The following FEZ2 variants were observed in gnomAD, a reference collection of about 807,000 sequenced individuals.
The protein encoded by FEZ2 is fasciculation and elongation protein zeta-2.
Under a neutral mutation model 40.4 loss-of-function variants are expected in FEZ2, and 51 were observed. The observed-to-expected ratio is 1.26, with a 90% CI of 1.01 to 1.59. The LOEUF (loss-of-function observed/expected upper bound fraction) is 1.59, where lower values mean the gene tolerates loss of function less well. FEZ2 is among the 40% of genes most tolerant of loss of function. FEZ2 has a pLI of 0.00. For missense variants in FEZ2, 640 were observed against 438.3 expected, an observed-to-expected ratio of 1.46 and a Z score of -4.11; for synonymous variants, 242 against 172.0, an observed-to-expected ratio of 1.41 and a Z score of -3.18.
At chr2:36,576,658 T>C (rs756045293) in intron 5 of FEZ2, among the ~76,000 whole-genome samples, 18 of 152,216 alleles carry the variant, frequency 1.2e-4, no homozygotes, top group Non-Finnish European at 2.4e-4. Flanking sequence ...TTGACACAAA[T>C]TGTAAATCAG....
chr2:36,570,757 G>C (rs931342803), intron 5 of FEZ2, among the ~76,000 whole-genome samples: 8 of 152,124 alleles, frequency 5.3e-5, no homozygotes, highest in African/African-American at 1.9e-4. Context: ...GTAACACAAT[G>C]GTAAGTATTT....
In FEZ2 at chr2:36,552,403, T is replaced by A. The variant is rs1667836182; in HGVS notation, c.*760A>T. ...CAGGCATGAATAAAATAGGACACAG[T>A]AATGAGAATGGGCAGTTCTGCAGTG... On this transcript the variant is annotated 3_prime_UTR_variant, in exon 8 of 8. Coordinates refer to ENST00000405912, the MANE Select transcript of FEZ2 (RefSeq NM_005102.3). 2.7e-6 allele frequency: 1 copy of A among 365,788 alleles called. No individual in the cohort carries two copies. Among genetic ancestry groups the A allele is most frequent in the Admixed American group, 3.7e-5 (1 of 26,990 alleles). The allele number at this position is 365,788 out of a possible 1,614,324, so 22.7% of individuals were successfully genotyped here. A position where few individuals can be genotyped will look rare whatever the true frequency, so the allele number is the denominator to read the frequency against.
intron 2 of FEZ2, among the ~76,000 whole-genome samples, chr2:36,586,147 G>A (rs1668892697): frequency 6.6e-6 from 1 of 152,130 alleles, no homozygotes; most frequent in Admixed American, 6.5e-5. Context: ...TGTAGAAGAT[G>A]AAAATGTGGC....
At chr2:36,574,833 C>A (rs952554973) in intron 5 of FEZ2, among the ~76,000 whole-genome samples, 4 of 152,168 alleles carry the variant, frequency 2.6e-5, no homozygotes, top group African/African-American at 9.7e-5. Flanking sequence ...ATCCTCTGCT[C>A]CTCCAGATGC....
chr2:36,591,747 T>G (rs970715151), intron 1 of FEZ2, among the ~76,000 whole-genome samples: 1 of 152,116 alleles, frequency 6.6e-6, no homozygotes, highest in African/African-American at 2.4e-5. Context: ...GTAAGGGCAT[T>G]TGACTGAGAC....
At chr2:36,558,155 T>C in intron 6 of FEZ2, 1 of 232,318 alleles carries the variant, frequency 4.3e-6, no homozygotes, top group Non-Finnish European at 8.3e-6. Context: ...CTTAAACATG[T>C]AAGAGATGAT....
Position 36,578,745 on chromosome 2 carries a change from T to C in FEZ2, c.755A>G (p.Glu252Gly), listed in dbSNP as rs772829290. 2 of 1,613,930 alleles carry C rather than the reference T, an allele frequency of 1.2e-6. No individual in the cohort carries two copies. Among genetic ancestry groups the C allele is most frequent in the Admixed American group, 1.7e-5 (1 of 60,008 alleles). The change falls in exon 5 of 8, where the codon GAA becomes GGA. Residue 252 changes from glutamate to glycine, a missense_variant. Coordinates refer to ENST00000405912, the MANE Select transcript of FEZ2 (RefSeq NM_005102.3). ...QLALRDELEF[E>G]KEVKNSFISV... ...AATAAAGCTGTTTTTCACTTCCTTT[T>C]CAAACTCCAGTTCATCTCGTAAAGC... is the stretch of plus-strand genomic sequence containing the variant.
At chr2:36,594,154 T>C (rs888299817) in intron 1 of FEZ2, among the ~76,000 whole-genome samples, 2 of 152,042 alleles carry the variant, frequency 1.3e-5, no homozygotes, top group Non-Finnish European at 2.9e-5. Flanking sequence ...ATTGTCCATA[T>C]TGCTGTCAGC....
chr2:36,565,783 G>C (rs940511497), intron 5 of FEZ2, among the ~76,000 whole-genome samples: 2 of 152,176 alleles, frequency 1.3e-5, no homozygotes, highest in Admixed American at 6.5e-5. Context: ...TTTCCAGTCA[G>C]ATCATTCTTG....
intron 7 of FEZ2, chr2:36,555,222 G>GT (rs1667926021): frequency 6.5e-6 from 1 of 152,688 alleles, no homozygotes. Context: ...TTCCCTCCCT[G>GT]TGTCTTACAT....
At chr2:36,562,288 A>T (rs1335728669) in intron 5 of FEZ2, among the ~76,000 whole-genome samples, 1 of 152,136 alleles carries the variant, frequency 6.6e-6, no homozygotes, top group African/African-American at 2.4e-5. Flanking sequence ...AATTTGTAAC[A>T]TGGCTAATAT....
intron 2 of FEZ2, among the ~76,000 whole-genome samples, chr2:36,586,601 T>A (rs1166885782): frequency 1.3e-5 from 2 of 148,212 alleles, no homozygotes; most frequent in Non-Finnish European, 3.0e-5. Context: ...CGCTCCAGCC[T>A]GGACAACAGA....
chr2:36,597,626 G>A (rs928334284), intron 1 of FEZ2, among the ~76,000 whole-genome samples: 6 of 152,348 alleles, frequency 3.9e-5, no homozygotes, highest in Middle Eastern at 6.9e-3. Flanking sequence ...ATACAAACGA[G>A]GGTTTGGTTT....
intron 1 of FEZ2, 40 bp downstream of exon 1, chr2:36,597,837 G>A (rs1386276038): frequency 3.0e-6 from 4 of 1,317,810 alleles, no homozygotes; most frequent in African/African-American, 1.5e-5. Flanking sequence ...GAGGGGTAGG[G>A]GAGGCTCCCG....
In FEZ2 at chr2:36,581,243, T is replaced by C. The variant is rs150074766; in HGVS notation, c.634+47A>G. On this transcript the variant is annotated intron_variant, in intron 4 of 7. Transcript: ENST00000405912. ...GGAGATGATCATACTATACATTTGA[T>C]ACAGACAAAAAGCACAGAAATCATT... The C allele has an allele frequency of 4.5e-4, 703 of 1,570,188 alleles. 5 individuals are homozygous for C. In the African/African-American group the frequency reaches 8.6e-3, roughly 19 times the overall value.
intron 5 of FEZ2, among the ~76,000 whole-genome samples, chr2:36,566,319 G>A (rs1312067345): frequency 2.1e-5 from 3 of 145,346 alleles, no homozygotes; most frequent in South Asian, 2.1e-4. Flanking sequence ...CACCCTGGAC[G>A]ACAGAGCGAG....
At chr2:36,562,203 ATAAATATATG>A (rs1668112411) in intron 5 of FEZ2, among the ~76,000 whole-genome samples, 1 of 152,234 alleles carries the variant, frequency 6.6e-6, no homozygotes, top group African/African-American at 2.4e-5. Flanking sequence ...ATTATTTTTC[ATAAATATATG>A]CTCTTTATAA....
chr2:36,570,117 T>G, intron 5 of FEZ2, among the ~76,000 whole-genome samples: 1 of 152,214 alleles, frequency 6.6e-6, no homozygotes, highest in South Asian at 2.1e-4. Context: ...ATTCAAATAG[T>G]TAAGATATTA....
intron 5 of FEZ2, among the ~76,000 whole-genome samples, chr2:36,564,280 A>G (rs951129630): frequency 2.0e-5 from 3 of 152,154 alleles, no homozygotes; most frequent in African/African-American, 4.8e-5. Flanking sequence ...TTTAATATCA[A>G]TATTTCTAAA....
Sources: allele counts gnomAD v4.1 joint callset (sites outside exome capture counted in the v4.1 genomes callset), GRCh38; gene constraint gnomAD v4.1.1; transcripts MANE v1.5; gene names NCBI Gene and HGNC (gene_info 2026-07-23, HGNC 2026-07-21).